C19orf25: variants seen among roughly 807,000 people sequenced by gnomAD.
C19orf25 encodes the protein UPF0449 protein C19orf25.
C19orf25 carries 1 observed loss-of-function variant against 3.1 expected under a neutral mutation model. The observed-to-expected ratio is 0.32, with a 90% CI of 0.12 to 1.54. The LOEUF is 1.54. Ranked by LOEUF, C19orf25 falls within the 40% of genes most tolerant of loss-of-function variation. The pLI is 0.38. For missense variants in C19orf25, 196 were observed against 160.4 expected (o/e 1.22, Z -1.20); for synonymous variants, 91 against 74.3 (o/e 1.23, Z -1.16).
At position 1,478,405 on chromosome 19, in the gene C19orf25, T is replaced by G. The variant is rs1045880673; in HGVS notation, c.130+369A>C. On this transcript the variant is annotated intron_variant, in intron 2 of 2. Coordinates refer to ENST00000585675, the MANE Select transcript of C19orf25 (RefSeq NM_152482.3). ...ACAGGCGCCTGCCACTATGCCCAGC[T>G]AACTCTGTTTTGTTTTTGTTTTTGT... The G allele has an allele frequency of 1.6e-5, 7 of 448,944 alleles. No homozygotes were observed. The Admixed American group carries it at 3.1e-4, about 20-fold the overall frequency. 27.8% of individuals were successfully genotyped at this position (448,944 alleles called of 1,614,324 possible).
intron 2 of C19orf25, chr19:1,475,614 G>A (rs1483193800): frequency 8.2e-6 from 2 of 242,976 alleles, no homozygotes; most frequent in Non-Finnish European, 1.6e-5. Flanking sequence ...GCTTGAGACT[G>A]GGAGGCCGAG....
rs1001379153 is a variant in C19orf25 at position 1,474,681 on chromosome 19, C to T, written c.*351G>A. 1.4e-5 allele frequency: 12 copies of T among 873,634 alleles called. No individual in the cohort carries two copies. The highest frequency in any genetic ancestry group is 1.8e-5 in the Non-Finnish European group (11 of 598,436). 54.1% of individuals were successfully genotyped at this position (873,634 alleles called of 1,614,324 possible). On this transcript the variant is annotated 3_prime_UTR_variant, in exon 3 of 3. Coordinates refer to ENST00000585675, the MANE Select transcript of C19orf25 (RefSeq NM_152482.3). ...GGACTCAGAAGTGGACAGGCGAGTG[C>T]CTGCCCCGGGAGAGGAAGGAGGTGG...
intron 2 of C19orf25, chr19:1,476,219 G>C: frequency 2.5e-6 from 1 of 398,826 alleles, no homozygotes. Flanking sequence ...CCTGCCCCTC[G>C]GCAGTGTGGT....
rs2145281120 is a variant in C19orf25 at position 1,473,253 on chromosome 19, TC to T, written c.*1778del. 1 of 152,430 alleles carries T rather than the reference TC, an allele frequency of 6.6e-6. No homozygotes were observed. The highest frequency in any genetic ancestry group is 2.1e-4 in the South Asian group (1 of 4,832). The allele number at this position is 152,430 out of a possible 1,614,324, so 9.4% of individuals were successfully genotyped here. A position where few individuals can be genotyped will look rare whatever the true frequency, so the allele number is the denominator to read the frequency against. Reference sequence around the variant, plus strand: ...TGAGCTCTTGCATTGCCTGCCGCCATCACCTCTTCCTCAAAATGGGCTGTGG... The same window carrying T: ...TGAGCTCTTGCATTGCCTGCCGCCATACCTCTTCCTCAAAATGGGCTGTGG... On this transcript the variant is annotated 3_prime_UTR_variant, in exon 3 of 3. Coordinates refer to ENST00000585675, the MANE Select transcript of C19orf25 (RefSeq NM_152482.3).
At position 1,474,693 on chromosome 19, in the gene C19orf25, G is replaced by A. The variant is rs1399282240; in HGVS notation, c.*339C>T. On this transcript the variant is annotated 3_prime_UTR_variant, in exon 3 of 3. Coordinates refer to ENST00000585675, the MANE Select transcript of C19orf25 (RefSeq NM_152482.3). The stretch of plus-strand genomic sequence containing the variant: ...GGACAGGCGAGTGCCTGCCCCGGGA[G>A]AGGAAGGAGGTGGCACCTGCTCCCA... 2.0e-6 allele frequency: 2 copies of A among 977,308 alleles called. No individual in the cohort carries two copies. The highest frequency in any genetic ancestry group is 1.6e-5 in the African/African-American group (1 of 60,998). 60.5% of individuals were successfully genotyped at this position (977,308 alleles called of 1,614,324 possible).
chr19:1,478,245 A>ATT (rs543535192), intron 2 of C19orf25, among the ~76,000 whole-genome samples: 15 of 140,438 alleles, frequency 1.1e-4, no homozygotes, highest in African/African-American at 1.6e-4. Context: ...ACACCCAGTA[A>ATT]TTTTTTTTTT....
intron 2 of C19orf25, among the ~76,000 whole-genome samples, chr19:1,477,676 A>C (rs2145290453): frequency 6.6e-6 from 1 of 152,130 alleles, no homozygotes; most frequent in African/African-American, 2.4e-5. Context: ...CTGAAATCTG[A>C]ATTTCATACC....
intron 2 of C19orf25, among the ~76,000 whole-genome samples, chr19:1,477,721 C>T (rs2084219778): frequency 6.6e-6 from 1 of 152,252 alleles, no homozygotes; most frequent in African/African-American, 2.4e-5. Context: ...TTTTCACCCA[C>T]CCCCATTTAA....
chr19:1,475,101 G>A lies in C19orf25; in HGVS notation c.288C>T (p.Asp96=), dbSNP rs967483608. 6.2e-7 allele frequency: 1 copy of A among 1,606,036 alleles called. No individual in the cohort carries two copies. Among genetic ancestry groups the A allele is most frequent in the Admixed American group, 1.7e-5 (1 of 59,332 alleles). Reference sequence around the variant, plus strand: ...TCATCTGGGCCACCTCCCGCTCCAGGTCCTCGCCGGCTCGCTGCAGGAGCT... The same window carrying A: ...TCATCTGGGCCACCTCCCGCTCCAGATCCTCGCCGGCTCGCTGCAGGAGCT... ...RCELLQRAGE[D]LEREVAQMKQ... is the part of the protein sequence containing the mutation. The change falls in exon 3 of 3, where the codon GAC becomes GAT. Residue 96 remains aspartate, a synonymous_variant. Coordinates refer to ENST00000585675, the MANE Select transcript of C19orf25 (RefSeq NM_152482.3).
rs1270390005 is a variant in C19orf25 at position 1,474,435 on chromosome 19, C to T, written c.*597G>A. 2 of 170,838 alleles carry T rather than the reference C, an allele frequency of 1.2e-5. No homozygotes were observed. The highest frequency in any genetic ancestry group is 3.8e-4 in the South Asian group (2 of 5,312). The allele number at this position is 170,838 out of a possible 1,614,324, so 10.6% of individuals were successfully genotyped here. Reference sequence around the variant, plus strand: ...GCAAGGGCAGTGGCTGGGAGACACCCGTGCCGTGGAGCTAGGCCCAGCCTG... The same window carrying T: ...GCAAGGGCAGTGGCTGGGAGACACCTGTGCCGTGGAGCTAGGCCCAGCCTG... On this transcript the variant is annotated 3_prime_UTR_variant, in exon 3 of 3. Coordinates refer to ENST00000585675, the MANE Select transcript of C19orf25 (RefSeq NM_152482.3).
chr19:1,474,898 T>A lies in C19orf25; in HGVS notation c.*134A>T, dbSNP rs1258293194. On this transcript the variant is annotated 3_prime_UTR_variant, in exon 3 of 3. Coordinates refer to ENST00000585675, the MANE Select transcript of C19orf25 (RefSeq NM_152482.3). ...CGACGGATGAACCGCAGCCCCAGCA[T>A]CAGGAGGGGCGCCTGTGTCAACACC... is the stretch of plus-strand genomic sequence containing the variant. 1 of 1,517,014 alleles carries A rather than the reference T, an allele frequency of 6.6e-7. No homozygotes were observed. The highest frequency in any genetic ancestry group is 1.4e-5 in the African/African-American group (1 of 72,512). The allele number at this position is 1,517,014 out of a possible 1,614,324, so 94.0% of individuals were successfully genotyped here. A position where few individuals can be genotyped will look rare whatever the true frequency, so the allele number is the denominator to read the frequency against.
chr19:1,479,113 C>T (rs1177050788), intron 1 of C19orf25, 50 bp downstream of exon 1: 1 of 1,327,424 alleles, frequency 7.5e-7, no homozygotes, highest in African/African-American at 1.5e-5. Context: ...TCTGGCTCAA[C>T]CTCTGCCTCA....
chr19:1,477,144 C>T (rs2084213538), intron 2 of C19orf25, among the ~76,000 whole-genome samples: 1 of 152,154 alleles, frequency 6.6e-6, no homozygotes, highest in Non-Finnish European at 1.5e-5. Context: ...GGATTACAGG[C>T]ATGCGCCACC....
At position 1,476,133 on chromosome 19, in the gene C19orf25, A is replaced by G. The variant is rs191946609; in HGVS notation, c.131-875T>C. On this transcript the variant is annotated intron_variant, in intron 2 of 2. Transcript: ENST00000585675. ...GGCTCCCTGCTCCCCCACGTATGCA[A>G]GCCCAGTGCAGCAGGGCTGAAGCAG... 28 of 398,644 alleles carry G rather than the reference A, an allele frequency of 7.0e-5. No homozygotes were observed. The East Asian group carries it at 9.6e-4, about 14-fold the overall frequency. The allele number at this position is 398,644 out of a possible 1,614,324, so 24.7% of individuals were successfully genotyped here. A position where few individuals can be genotyped will look rare whatever the true frequency, so the allele number is the denominator to read the frequency against.
intron 2 of C19orf25, among the ~76,000 whole-genome samples, chr19:1,477,638 G>A (rs1206587428): frequency 1.4e-4 from 22 of 152,268 alleles, no homozygotes; most frequent in East Asian, 5.8e-4. Flanking sequence ...TCATTTGGCT[G>A]TGTGCCGTAA....
In C19orf25 at chr19:1,479,160, C is replaced by A. The variant is rs910852291; in HGVS notation, c.-3+3G>T. The stretch of plus-strand genomic sequence containing the variant: ...GTCACCCCAGTCGCCGGCCTCTTCC[C>A]ACCTGGGCGCGGGACCCGAAAGCCC... On this transcript the variant is annotated splice_donor_region_variant and intron_variant, in intron 1 of 2. Coordinates refer to ENST00000585675, the MANE Select transcript of C19orf25 (RefSeq NM_152482.3). The A allele has an allele frequency of 2.3e-6, 3 of 1,281,732 alleles. No individual in the cohort carries two copies. The highest frequency in any genetic ancestry group is 3.0e-6 in the Non-Finnish European group (3 of 1,015,756). The allele number at this position is 1,281,732 out of a possible 1,614,324, so 79.4% of individuals were successfully genotyped here.
At chr19:1,477,648 AACCTTTACTT>A (rs1008713085) in intron 2 of C19orf25, among the ~76,000 whole-genome samples, 123 of 152,270 alleles carry the variant, frequency 8.1e-4, no homozygotes, top group African/African-American at 2.9e-3. Flanking sequence ...GTGTGCCGTA[AACCTTTACTT>A]ACCAACACTG....
At chr19:1,478,688 G>A (rs1198158017) in intron 2 of C19orf25, 86 bp downstream of exon 2, 7 of 1,522,476 alleles carry the variant, frequency 4.6e-6, no homozygotes, top group African/African-American at 2.8e-5. Context: ...AGGGCGTGGG[G>A]TCAGGAGTTA....
rs1406603435 is a variant in C19orf25 at position 1,478,833 on chromosome 19, AG to A, written c.70del (p.Leu24TrpfsTer28). ...RPAPPTVEQI[L>X]EDVRGAPAED... is the part of the protein sequence containing the mutation. ...TGCCGGCGCACCCCGCACATCCTCC[AG>A]GATCTGCTCCACCGTGGGGGGCGCT... is the stretch of plus-strand genomic sequence containing the variant. On this transcript the variant is annotated frameshift_variant, in exon 2 of 3. Coordinates refer to ENST00000585675, the MANE Select transcript of C19orf25 (RefSeq NM_152482.3). LOFTEE classifies it high-confidence loss of function. 1.3e-6 allele frequency: 2 copies of A among 1,596,688 alleles called. No homozygotes were observed.
Sources: allele counts gnomAD v4.1 joint callset (sites outside exome capture counted in the v4.1 genomes callset), GRCh38; gene constraint gnomAD v4.1.1; transcripts MANE v1.5; gene names NCBI Gene and HGNC (gene_info 2026-07-23, HGNC 2026-07-21).